PLCE1: variants seen among roughly 807,000 people sequenced by gnomAD.
The protein encoded by PLCE1 is phospholipase C epsilon 1, also known as 1-phosphatidylinositol 4,5-bisphosphate phosphodiesterase epsilon-1.
A neutral mutation model predicts 242.8 loss-of-function variants in PLCE1; 119 were observed. That is an observed-to-expected ratio of 0.49 (90% CI 0.42 to 0.57). PLCE1 has a LOEUF of 0.57. PLCE1 is among the 20% of genes least tolerant of loss of function. The pLI is 0.00. For missense variants in PLCE1, 2,441 were observed against 2,788.8 expected (o/e 0.88, Z 2.81); for synonymous variants, 945 against 1,017.4 (o/e 0.93, Z 1.35).
chr10:94,060,007 G>A lies in PLCE1; in HGVS notation c.1206+27755G>A, dbSNP rs74942809. 7.2e-3 allele frequency among the ~76,000 whole-genome samples: 1,102 copies of A among 152,114 alleles called. 10 individuals are homozygous for A. The highest frequency in any genetic ancestry group is 0.025 in the African/African-American group (1,042 of 41,510). On this transcript the variant is annotated intron_variant, in intron 2 of 32. Coordinates refer to ENST00000371380, the MANE Select transcript of PLCE1 (RefSeq NM_016341.4). Reference sequence around the variant, plus strand: ...TCAAATTATAGTGGAAGTGTTTTTTGTGTTTTTTGTTTGCTGTCTTAAAAA... The same window carrying A: ...TCAAATTATAGTGGAAGTGTTTTTTATGTTTTTTGTTTGCTGTCTTAAAAA...
chr10:94,104,396 A>G (rs1373405307), intron 2 of PLCE1: 1 of 152,140 alleles, frequency 6.6e-6, no homozygotes, highest in Non-Finnish European at 1.5e-5. Flanking sequence ...CATAGAGTTG[A>G]TTATCTTCAT....
intron 4 of PLCE1, among the ~76,000 whole-genome samples, chr10:94,220,643 G>T (rs140053114): frequency 6.6e-6 from 1 of 151,952 alleles, no homozygotes; most frequent in Non-Finnish European, 1.5e-5. Flanking sequence ...TCTGTCACCT[G>T]AAATTCAGCA....
chr10:94,244,439 C>T (rs1373932426), intron 7 of PLCE1, among the ~76,000 whole-genome samples: 1 of 152,222 alleles, frequency 6.6e-6, no homozygotes, highest in Non-Finnish European at 1.5e-5. Context: ...GAATGAGACT[C>T]TTGGGCAGGT....
At chr10:94,231,278 G>A (rs1035858951) in intron 5 of PLCE1, among the ~76,000 whole-genome samples, 2 of 152,118 alleles carry the variant, frequency 1.3e-5, no homozygotes, top group Admixed American at 6.6e-5. Flanking sequence ...AGAAACCAGT[G>A]AGAACCATGT....
At chr10:94,017,658 A>G (rs1433074264) in intron 1 of PLCE1, among the ~76,000 whole-genome samples, 1 of 152,242 alleles carries the variant, frequency 6.6e-6, no homozygotes, top group Non-Finnish European at 1.5e-5. Context: ...GAAAATGGCT[A>G]GAAATCACCA....
intron 2 of PLCE1, among the ~76,000 whole-genome samples, chr10:94,083,451 C>T (rs2044712768): frequency 6.6e-6 from 1 of 152,102 alleles, no homozygotes; most frequent in Admixed American, 6.6e-5. Context: ...GGCACTGTTA[C>T]CATCTCCTTT....
intron 2 of PLCE1, among the ~76,000 whole-genome samples, chr10:94,120,275 G>A (rs1017588661): frequency 1.3e-5 from 2 of 152,166 alleles, no homozygotes; most frequent in Non-Finnish European, 2.9e-5. Flanking sequence ...CTCTGCCTGA[G>A]GTGTGTTCAC....
At chr10:94,040,376 T>C (rs7089952) in intron 2 of PLCE1, among the ~76,000 whole-genome samples, 3,259 of 152,328 alleles carry the variant, frequency 0.021, 126 homozygotes, top group African/African-American at 0.074. Flanking sequence ...AATTGTTTTT[T>C]TTATTATCCA....
At position 94,246,493 on chromosome 10, in the gene PLCE1, G is replaced by T; in HGVS notation, c.2968G>T (p.Ala990Ser). 2 of 1,614,166 alleles carry T rather than the reference G, an allele frequency of 1.2e-6. No homozygotes were observed. Among genetic ancestry groups the T allele is most frequent in the Non-Finnish European group, 1.7e-6 (2 of 1,179,996 alleles). Residue 990 changes from alanine (A) to serine (S), a missense_variant, in exon 8 of 33, where the codon GCA (alanine) becomes TCA (serine). Physicochemically the swap from Ala to Ser is moderately conservative, Grantham distance 99. Transcript: ENST00000371380. ...AGACAACAGATTATTGCACTTCGTG[G>T]CACCAAAGCACACAGCTAAAATGCT... is the stretch of plus-strand genomic sequence containing the variant. ...TTDNRLLHFV[A>S]PKHTAKMLFS...
At chr10:94,212,469 G>A (rs2049373086) in intron 4 of PLCE1, among the ~76,000 whole-genome samples, 1 of 152,120 alleles carries the variant, frequency 6.6e-6, no homozygotes, top group African/African-American at 2.4e-5. Flanking sequence ...TGTTAGCCAG[G>A]ATGGTCTTGA....
chr10:94,020,871 C>T (rs989129038), intron 1 of PLCE1, among the ~76,000 whole-genome samples: 1 of 152,030 alleles, frequency 6.6e-6, no homozygotes, highest in Non-Finnish European at 1.5e-5. Flanking sequence ...ACTCTGTTAC[C>T]CACACTGGGG....
chr10:94,200,085 A>G (rs745600943), intron 4 of PLCE1, among the ~76,000 whole-genome samples: 8 of 152,256 alleles, frequency 5.3e-5, no homozygotes, highest in Non-Finnish European at 8.8e-5. Flanking sequence ...AGATGGTTAC[A>G]TATAGAAATA....
intron 4 of PLCE1, among the ~76,000 whole-genome samples, chr10:94,182,779 T>G (rs2048353811): frequency 6.6e-6 from 1 of 152,240 alleles, no homozygotes; most frequent in South Asian, 2.1e-4. Flanking sequence ...CTCTAGAATT[T>G]AACTGGCCCA....
At chr10:94,262,974 C>T (rs1051847379) in intron 14 of PLCE1, among the ~76,000 whole-genome samples, 4 of 151,010 alleles carry the variant, frequency 2.6e-5, no homozygotes, top group South Asian at 2.1e-4. Flanking sequence ...CAGGTTCAAA[C>T]GATTCTCCTG....
chr10:94,279,677 T>A, intron 19 of PLCE1, 105 bp from the exon 20 acceptor site: 1 of 1,307,344 alleles, frequency 7.6e-7, no homozygotes, highest in Non-Finnish European at 1.1e-6. Flanking sequence ...CAAAATAGGT[T>A]AAGCCACTTT....
chr10:94,192,825 C>T (rs576431319), intron 4 of PLCE1, among the ~76,000 whole-genome samples: 1 of 152,270 alleles, frequency 6.6e-6, no homozygotes, highest in African/African-American at 2.4e-5. Flanking sequence ...TTCTCCATAG[C>T]CTCACAAGCA....
chr10:94,190,654 G>C (rs2048630588), intron 4 of PLCE1, among the ~76,000 whole-genome samples: 1 of 152,214 alleles, frequency 6.6e-6, no homozygotes, highest in Non-Finnish European at 1.5e-5. Flanking sequence ...GCTCAGGATA[G>C]TGCCTGGCAC....
chr10:94,268,035 G>A (rs1257638839), intron 16 of PLCE1, among the ~76,000 whole-genome samples: 1 of 152,100 alleles, frequency 6.6e-6, no homozygotes, highest in African/African-American at 2.4e-5. Flanking sequence ...TTCTTGGCTT[G>A]GGTCACTATT....
chr10:94,179,857 A>G (rs1293197347), intron 4 of PLCE1, among the ~76,000 whole-genome samples: 1 of 151,774 alleles, frequency 6.6e-6, no homozygotes, highest in Non-Finnish European at 1.5e-5. Context: ...CAAATGCTTT[A>G]TATGAGTATT....
Sources: allele counts gnomAD v4.1 joint callset (sites outside exome capture counted in the v4.1 genomes callset), GRCh38; gene constraint gnomAD v4.1.1; transcripts MANE v1.5; gene names NCBI Gene and HGNC (gene_info 2026-07-23, HGNC 2026-07-21).